Variants in COL6A5 observed in about 807,000 individuals in gnomAD.
COL6A5 encodes collagen alpha-5(VI) chain.
Under a neutral mutation model 65.6 loss-of-function variants are expected in COL6A5, and 48 were observed. That is an observed-to-expected ratio of 0.73 (90% CI 0.58 to 0.93). The LOEUF (loss-of-function observed/expected upper bound fraction) is 0.93, where lower values mean the gene tolerates loss of function less well. Among genes scored for constraint, COL6A5 ranks in the 40% least tolerant of loss-of-function variants. COL6A5 has a pLI of 0.00. For missense variants in COL6A5, 914 were observed against 928.3 expected (o/e 0.98, Z 0.20); for synonymous variants, 291 against 322.8 (o/e 0.90, Z 1.05).
At chr3:130,350,518 A>T (rs1236466824) in intron 1 of COL6A5, among the ~76,000 whole-genome samples, 1 of 152,226 alleles carries the variant, frequency 6.6e-6, no homozygotes, top group Non-Finnish European at 1.5e-5. Context: ...TGCCAATAAC[A>T]GACAAACAGA....
chr3:130,388,969 C>A (rs1371007654), exon 6 of COL6A5: 3 of 1,547,868 alleles, frequency 1.9e-6, no homozygotes, highest in East Asian at 2.4e-5. Context: ...TGCTAGAATT[C>A]TTCGGGGCAA....
At position 130,462,741 on chromosome 3, in the gene COL6A5, G is replaced by A. The variant is rs527792015; in HGVS notation, c.1545-6054G>A. 2.0e-4 allele frequency among the ~76,000 whole-genome samples: 31 copies of A among 152,160 alleles called. 1 individual carries two copies. The South Asian group carries it at 5.0e-3, about 24-fold the overall frequency. The stretch of plus-strand genomic sequence containing the variant: ...AAAAATTACAAATTGCATTTAGTTC[G>A]TATATAGTTGCTTACTTTTGGAAGA... On this transcript the variant is annotated intron_variant, in intron 5 of 7. Transcript: ENST00000512836.
intron 4 of COL6A5, among the ~76,000 whole-genome samples, chr3:130,384,437 C>T (rs1936108879): frequency 6.6e-6 from 1 of 151,938 alleles, no homozygotes; most frequent in Non-Finnish European, 1.5e-5. Flanking sequence ...AATAGAAGAT[C>T]GTCAATCCCA....
upstream of COL6A5, chr3:130,429,645 C>T: frequency 7.0e-7 from 1 of 1,427,334 alleles, no homozygotes; most frequent in African/African-American, 1.5e-5. Context: ...CCAACAAGAC[C>T]AATCTGAAAG....
chr3:130,446,210 G>C (rs1172140290), intron 4 of COL6A5, among the ~76,000 whole-genome samples: 3 of 152,138 alleles, frequency 2.0e-5, no homozygotes, highest in Admixed American at 6.5e-5. Flanking sequence ...CAGGGCAATG[G>C]TCATCTCTTG....
At chr3:130,421,356 A>G (rs1409424078) in exon 27 of COL6A5, 3 of 1,550,640 alleles carry the variant, frequency 1.9e-6, no homozygotes, top group Non-Finnish European at 2.6e-6. Context: ...GATGCGGGGC[A>G]GAAGGTATTG....
intron 1 of COL6A5, among the ~76,000 whole-genome samples, chr3:130,360,605 T>C (rs1453263): frequency 0.87 from 131,891 of 152,110 alleles, 58,097 homozygotes; most frequent in East Asian, 0.99. Context: ...GTGAAGATTG[T>C]TACTGACATT....
At chr3:130,348,756 C>G (rs946495727) in intron 1 of COL6A5, among the ~76,000 whole-genome samples, 1 of 152,182 alleles carries the variant, frequency 6.6e-6, no homozygotes, top group Non-Finnish European at 1.5e-5. Flanking sequence ...AAAAGTGTTC[C>G]TATTTCTCCA....
At chr3:130,473,016 G>A (rs1484947133) in intron 7 of COL6A5, among the ~76,000 whole-genome samples, 3 of 148,838 alleles carry the variant, frequency 2.0e-5, no homozygotes, top group Non-Finnish European at 4.5e-5. Context: ...AGTGAATATA[G>A]GAAAAATAGG....
intron 1 of COL6A5, among the ~76,000 whole-genome samples, chr3:130,346,670 G>A (rs370935902): frequency 1.2e-4 from 19 of 152,254 alleles, no homozygotes; most frequent in Middle Eastern, 6.8e-3. Context: ...GTACTCTCAG[G>A]ATCCCCAAGC....
At chr3:130,397,617 C>T (rs1936646132) in exon 9 of COL6A5, 2 of 1,551,232 alleles carry the variant, frequency 1.3e-6, no homozygotes, top group Non-Finnish European at 1.7e-6. Flanking sequence ...GGTTTGACAT[C>T]TCCACTCATG....
chr3:130,400,113 C>G (rs1331580430), intron 10 of COL6A5, among the ~76,000 whole-genome samples: 1 of 152,188 alleles, frequency 6.6e-6, no homozygotes, highest in African/African-American at 2.4e-5. Context: ...AGAGCTTCCT[C>G]TATCTCCTTA....
intron 4 of COL6A5, among the ~76,000 whole-genome samples, chr3:130,447,907 G>GAACC (rs1413027812): frequency 6.6e-6 from 1 of 152,136 alleles, no homozygotes; most frequent in Non-Finnish European, 1.5e-5. Flanking sequence ...GTTAATTTAG[G>GAACC]AACCACCCAA....
chr3:130,394,370 C>T lies in COL6A5; in HGVS notation c.2993-520C>T, dbSNP rs147902695. Among the ~76,000 whole-genome samples, 817 of 152,152 alleles carry T rather than the reference C, an allele frequency of 5.4e-3. 2 individuals are homozygous for T. The highest frequency in any genetic ancestry group is 7.9e-3 in the Non-Finnish European group (539 of 68,010). On this transcript the variant is annotated intron_variant and NMD_transcript_variant, in intron 7 of 41. Transcript: ENST00000312481. ...AGCCTCTGAATTCTATTTCTATATT[C>T]GTAAAATTAGAATAATTAGTCATAA...
intron 7 of COL6A5, among the ~76,000 whole-genome samples, chr3:130,473,310 GCTGA>G (rs1710006574): frequency 6.6e-6 from 1 of 151,998 alleles, no homozygotes. Flanking sequence ...GTGGCTTTAT[GCTGA>G]GGGCAAGCCT....
At chr3:130,460,762 G>A (rs1182031609) in intron 5 of COL6A5, among the ~76,000 whole-genome samples, 2 of 151,884 alleles carry the variant, frequency 1.3e-5, no homozygotes, top group Non-Finnish European at 2.9e-5. Flanking sequence ...AATATTGGTG[G>A]TGGTGGAGGT....
At chr3:130,362,311 TATATATATA>T (rs1935153743) in intron 1 of COL6A5, among the ~76,000 whole-genome samples, 1 of 3,280 alleles carries the variant, frequency 3.0e-4, no homozygotes, top group Non-Finnish European at 6.8e-4. Flanking sequence ...TATATATATA[TATATATATA>T]TATATATTTT....
intron 20 of COL6A5, among the ~76,000 whole-genome samples, chr3:130,411,269 ACTC>A (rs1937167888): frequency 6.6e-6 from 1 of 151,896 alleles, no homozygotes; most frequent in Non-Finnish European, 1.5e-5. Context: ...TGTATTAAAA[ACTC>A]CTCTCTCATG....
At chr3:130,425,291 T>C (rs776110109) in intron 29 of COL6A5, among the ~76,000 whole-genome samples, 4 of 152,174 alleles carry the variant, frequency 2.6e-5, no homozygotes, top group South Asian at 2.1e-4. Context: ...TTTAACTGTT[T>C]ATTGGATGGA....
Sources: gnomAD v4.1 joint callset for allele counts (sites outside exome capture counted in the v4.1 genomes callset) on GRCh38, gnomAD v4.1.1 for gene constraint, MANE v1.5 for transcripts, NCBI Gene and HGNC (gene_info 2026-07-23, HGNC 2026-07-21) for gene names.